Variants in PODXL observed in about 807,000 individuals in gnomAD.
PODXL encodes the protein podocalyxin.
Under a neutral mutation model 48.9 loss-of-function variants are expected in PODXL, and 20 were observed. That is an observed-to-expected ratio of 0.41 (90% confidence interval 0.29 to 0.59). The LOEUF is 0.59. Among genes scored for constraint, PODXL ranks in the 20% least tolerant of loss-of-function variants. The pLI is 0.31. For missense variants in PODXL, 606 were observed against 675.1 expected (o/e 0.90, Z 1.13); for synonymous variants, 295 against 287.4 (o/e 1.03, Z -0.27).
intron 1 of PODXL, among the ~76,000 whole-genome samples, chr7:131,523,660 C>G (rs1486219849): frequency 4.2e-5 from 4 of 95,228 alleles, no homozygotes; most frequent in Non-Finnish European, 5.7e-5. Flanking sequence ...GCCTGGGCAA[C>G]AGAGCGAGAA....
At chr7:131,538,584 T>A (rs2116848511) in intron 1 of PODXL, among the ~76,000 whole-genome samples, 1 of 152,228 alleles carries the variant, frequency 6.6e-6, no homozygotes, top group East Asian at 1.9e-4. Flanking sequence ...ATGACTATAA[T>A]TCTGTGGCTG....
Position 131,530,272 on chromosome 7 carries a change from C to T in PODXL, c.101-18839G>A, listed in dbSNP as rs184417911. Among the ~76,000 whole-genome samples the T allele has an allele frequency of 5.5e-3, 833 of 152,014 alleles. 8 individuals carry two copies. The highest frequency in any genetic ancestry group is 0.017 in the African/African-American group (692 of 41,452). ...GCGAGGCAGGGTGGCATGGGAGAGCCGGATCAGTAAGGGACCTGGGGCTGC... is the reference window on the plus strand; with the variant it reads ...GCGAGGCAGGGTGGCATGGGAGAGCTGGATCAGTAAGGGACCTGGGGCTGC... On this transcript the variant is annotated intron_variant, in intron 1 of 8. Transcript: ENST00000378555.
chr7:131,517,420 C>T (rs939356311), intron 1 of PODXL, among the ~76,000 whole-genome samples: 15 of 152,192 alleles, frequency 9.9e-5, no homozygotes, highest in Non-Finnish European at 1.9e-4. Context: ...TGTGTTGACT[C>T]ACAACGATAG....
chr7:131,540,675 C>A (rs1798462111), intron 1 of PODXL, among the ~76,000 whole-genome samples: 1 of 152,170 alleles, frequency 6.6e-6, no homozygotes, highest in Non-Finnish European at 1.5e-5. Flanking sequence ...AAATATTTTT[C>A]TGAGGGAGCA....
chr7:131,543,326 A>G lies in PODXL; in HGVS notation c.100+12934T>C, dbSNP rs560420312. ...CTGTATGTAGAGATAGGGCCTCACT[A>G]TGTTGCCCAGGCTGGTCTTGAACTC... On this transcript the variant is annotated intron_variant, in intron 1 of 8. Coordinates refer to ENST00000378555, the MANE Select transcript of PODXL (RefSeq NM_001018111.3). 1.2e-4 allele frequency among the ~76,000 whole-genome samples: 18 copies of G among 152,070 alleles called. No individual in the cohort carries two copies. In the South Asian group the frequency reaches 3.5e-3, roughly 30 times the overall value.
intron 1 of PODXL, among the ~76,000 whole-genome samples, chr7:131,513,512 C>T (rs1194415873): frequency 1.3e-5 from 2 of 152,236 alleles, no homozygotes. Flanking sequence ...TTGATGGCAG[C>T]AGAATCTGCC....
chr7:131,543,253 G>A (rs1447322542), intron 1 of PODXL, among the ~76,000 whole-genome samples: 1 of 152,050 alleles, frequency 6.6e-6, no homozygotes, highest in Non-Finnish European at 1.5e-5. Flanking sequence ...AGCCTCCCAG[G>A]TAGCTGGAAT....
At chr7:131,517,610 G>A (rs760642076) in intron 1 of PODXL, among the ~76,000 whole-genome samples, 5 of 152,070 alleles carry the variant, frequency 3.3e-5, no homozygotes, top group Admixed American at 1.3e-4. Flanking sequence ...AAAATTGGCA[G>A]GGCCATGCTC....
rs1797713931 is a variant in PODXL at position 131,502,081 on chromosome 7, T to G, written c.*2230A>C. On this transcript the variant is annotated 3_prime_UTR_variant, in exon 9 of 9. Coordinates refer to ENST00000378555, the MANE Select transcript of PODXL (RefSeq NM_001018111.3). ...CCAAGAGGCCATAGGGTTGCAGCCTTTGATTGATTTGCAGAGGCCTATTTG... is the reference window on the plus strand; with the variant it reads ...CCAAGAGGCCATAGGGTTGCAGCCTGTGATTGATTTGCAGAGGCCTATTTG... 1 of 152,292 alleles carries G rather than the reference T, an allele frequency of 6.6e-6. No homozygotes were observed. Among genetic ancestry groups the G allele is most frequent in the Non-Finnish European group, 1.5e-5 (1 of 68,050 alleles). 9.4% of individuals were successfully genotyped at this position (152,292 alleles called of 1,614,324 possible). A position where few individuals can be genotyped will look rare whatever the true frequency, so the allele number is the denominator to read the frequency against.
At chr7:131,547,199 C>T (rs183576535) in intron 1 of PODXL, among the ~76,000 whole-genome samples, 172 of 152,112 alleles carry the variant, frequency 1.1e-3, no homozygotes, top group African/African-American at 3.8e-3. Flanking sequence ...CAAGGAGAAA[C>T]CCCGTCTCTA....
chr7:131,539,119 G>A (rs911460118), intron 1 of PODXL, among the ~76,000 whole-genome samples: 7 of 152,138 alleles, frequency 4.6e-5, no homozygotes, highest in South Asian at 2.1e-4. Context: ...GACAGCACCC[G>A]GGGGAGGTGG....
intron 1 of PODXL, among the ~76,000 whole-genome samples, chr7:131,523,947 C>T (rs182330802): frequency 6.6e-5 from 10 of 151,530 alleles, no homozygotes; most frequent in East Asian, 4.0e-4. Context: ...TACAGGTGCA[C>T]GCCACCACGC....
At chr7:131,517,497 A>C (rs146369411) in intron 1 of PODXL, among the ~76,000 whole-genome samples, 1 of 152,304 alleles carries the variant, frequency 6.6e-6, no homozygotes, top group East Asian at 1.9e-4. Flanking sequence ...CCTTGAATGA[A>C]TCGTGCATTT....
chr7:131,518,034 C>T (rs1452771271), intron 1 of PODXL, among the ~76,000 whole-genome samples: 12 of 152,190 alleles, frequency 7.9e-5, no homozygotes, highest in Middle Eastern at 6.8e-3. Flanking sequence ...CCATCGGGGC[C>T]GGCCGTATAT....
chr7:131,548,269 G>C (rs1798613849), intron 1 of PODXL, among the ~76,000 whole-genome samples: 1 of 152,236 alleles, frequency 6.6e-6, no homozygotes, highest in South Asian at 2.1e-4. Flanking sequence ...AGGTTTGCAG[G>C]GACCAGTTCT....
At chr7:131,507,013 C>CT (rs970545224) in intron 5 of PODXL, 7 of 375,276 alleles carry the variant, frequency 1.9e-5, no homozygotes, top group Non-Finnish European at 2.9e-5. Context: ...CCTAGTGCCT[C>CT]TTTTTTCCCT....
intron 1 of PODXL, among the ~76,000 whole-genome samples, chr7:131,529,311 C>T (rs1210292818): frequency 2.0e-5 from 3 of 152,028 alleles, no homozygotes; most frequent in African/African-American, 7.2e-5. Context: ...AGTGCCAGCT[C>T]CCCCGGGGGC....
chr7:131,551,797 C>T (rs1258163048), intron 1 of PODXL, among the ~76,000 whole-genome samples: 2 of 151,914 alleles, frequency 1.3e-5, no homozygotes, highest in Non-Finnish European at 1.5e-5. Context: ...ATTAGCCGGG[C>T]GTGGAGGTGG....
intron 8 of PODXL, 76 bp from the exon 9 acceptor site, chr7:131,504,584 C>T (rs1797768566): frequency 8.1e-7 from 1 of 1,235,894 alleles, no homozygotes; most frequent in Non-Finnish European, 1.2e-6. Flanking sequence ...GTACGTACCC[C>T]TCCCACTCAG....
Sources: allele counts gnomAD v4.1 joint callset (sites outside exome capture counted in the v4.1 genomes callset), GRCh38; gene constraint gnomAD v4.1.1; transcripts MANE v1.5; gene names NCBI Gene and HGNC (gene_info 2026-07-23, HGNC 2026-07-21).